The following ERAP1 variants were observed in gnomAD, a reference collection of about 807,000 sequenced individuals.
ERAP1 encodes endoplasmic reticulum aminopeptidase 1, also known as adipocyte-derived leucine aminopeptidase.
ERAP1 carries 86 observed loss-of-function variants against 103.7 expected under a neutral mutation model. The ratio of observed to expected loss-of-function variants is 0.83; its 90% confidence interval spans 0.70 to 0.99. The LOEUF (loss-of-function observed/expected upper bound fraction) is 0.99, where lower values mean the gene tolerates loss of function less well. ERAP1 is among the 50% of genes least tolerant of loss of function. ERAP1 has a pLI of 0.00. For synonymous variants in ERAP1, 398 were observed against 402.4 expected, an observed-to-expected ratio of 0.99 and a Z score of 0.13; for missense variants, 1,009 against 1,128.4, an observed-to-expected ratio of 0.89 and a Z score of 1.52.
chr5:96,818,483 A>G, the ERAP1 span, among the ~76,000 whole-genome samples: 20 of 151,526 alleles, frequency 1.3e-4, no homozygotes, highest in South Asian at 4.2e-3. Flanking sequence ...CCCTAGAGTT[A>G]ATGGCTAAGT....
chr5:96,781,643 C>G, intron 16 of ERAP1, 50 bp downstream of exon 16: 1 of 1,611,652 alleles, frequency 6.2e-7, no homozygotes, highest in Non-Finnish European at 8.5e-7. Context: ...ATGATCTAAT[C>G]TAATCTAATT....
intron 3 of ERAP1, among the ~76,000 whole-genome samples, chr5:96,798,279 C>T (rs1192895159): frequency 1.4e-5 from 2 of 142,506 alleles, no homozygotes; most frequent in Non-Finnish European, 3.0e-5. Context: ...GAGCCGAGAT[C>T]ACGCCACTGC....
chr5:96,881,355 A>G, the ERAP1 span: 1 of 452,590 alleles, frequency 2.2e-6, no homozygotes, highest in South Asian at 1.6e-5. Context: ...CTTGGCAGTT[A>G]TTTTGGAGGG....
chr5:96,818,893 CATTT>C, the ERAP1 span, among the ~76,000 whole-genome samples: 8,533 of 141,668 alleles, frequency 0.06, 433 homozygotes, highest in African/African-American at 0.14. Flanking sequence ...ACCTGAACTG[CATTT>C]ATTTATTTAT....
the ERAP1 span, chr5:96,814,390 A>G: frequency 4.4e-6 from 2 of 454,540 alleles, no homozygotes; most frequent in Non-Finnish European, 4.4e-6. Context: ...CGTCTGCCAC[A>G]CTAATGTTAC....
At chr5:96,833,484 T>G in the ERAP1 span, among the ~76,000 whole-genome samples, 1 of 152,258 alleles carries the variant, frequency 6.6e-6, no homozygotes, top group African/African-American at 2.4e-5. Context: ...AAAAATGAAC[T>G]ATTTTGAAGG....
At chr5:96,907,348 T>C in the ERAP1 span, among the ~76,000 whole-genome samples, 1 of 152,178 alleles carries the variant, frequency 6.6e-6, no homozygotes, top group Non-Finnish European at 1.5e-5. Context: ...TAGGCAACTA[T>C]AAAAGTAAGT....
At chr5:96,819,520 T>A in the ERAP1 span, among the ~76,000 whole-genome samples, 1 of 152,188 alleles carries the variant, frequency 6.6e-6, no homozygotes, top group South Asian at 2.1e-4. Context: ...TTTGTGTGTG[T>A]GTGAGAGAGA....
intron 11 of ERAP1, chr5:96,786,863 T>C (rs1480805497): frequency 3.3e-6 from 1 of 302,536 alleles, no homozygotes; most frequent in Non-Finnish European, 6.4e-6. Context: ...GCCTCCTGAA[T>C]AGTATATTAG....
chr5:96,875,234 A>T, the ERAP1 span, among the ~76,000 whole-genome samples: 1 of 152,092 alleles, frequency 6.6e-6, no homozygotes, highest in Admixed American at 6.6e-5. Flanking sequence ...ATAGAAAGAG[A>T]TTGAAAATGA....
chr5:96,842,600 T>C, the ERAP1 span, among the ~76,000 whole-genome samples: 1 of 152,222 alleles, frequency 6.6e-6, no homozygotes, highest in Non-Finnish European at 1.5e-5. Flanking sequence ...TTGAGAATTG[T>C]CTATTCATGT....
intron 11 of ERAP1, 34 bp downstream of exon 11, chr5:96,788,497 G>A (rs921135546): frequency 1.9e-6 from 3 of 1,612,726 alleles, no homozygotes; most frequent in Non-Finnish European, 2.5e-6. Context: ...ATGTTACCTA[G>A]ACAACAAAAC....
chr5:96,888,333 G>A, the ERAP1 span, among the ~76,000 whole-genome samples: 1 of 152,106 alleles, frequency 6.6e-6, no homozygotes, highest in Non-Finnish European at 1.5e-5. Flanking sequence ...GCACTTCAGA[G>A]GACAGGTTCC....
At chr5:96,786,777 A>T (rs1352592807) in intron 11 of ERAP1, 3 of 502,086 alleles carry the variant, frequency 6.0e-6, no homozygotes, top group Non-Finnish European at 1.1e-5. Context: ...AAGAATTTGG[A>T]CTCACGTGAA....
In ERAP1 at chr5:96,783,124, G is replaced by A; in HGVS notation, c.2212C>T (p.His738Tyr). The A allele has an allele frequency of 6.2e-7, 1 of 1,614,144 alleles. No homozygotes were observed. The highest frequency in any genetic ancestry group is 8.5e-7 in the Non-Finnish European group (1 of 1,180,048). ...CTCTGTACGCACGGCTGATAGTTGT[G>A]CACACAGGCGAGGAGTAGTAGTTGA... Reference protein sequence around the residue: ...RSQLLLLACVHNYQPCVQRAE... With the variant: ...RSQLLLLACVYNYQPCVQRAE... Residue 738 changes from histidine (H) to tyrosine (Y), a missense_variant, in exon 15 of 19, where the codon CAC becomes TAC. Physicochemically the swap from His to Tyr is moderately conservative, Grantham distance 83. Around this residue, in one of 3 missense-constraint regions of ERAP1, gnomAD observed 611 missense variants for 651.7 expected, o/e 0.94. Transcript: ENST00000443439.
At chr5:96,817,945 T>C in the ERAP1 span, among the ~76,000 whole-genome samples, 1 of 152,164 alleles carries the variant, frequency 6.6e-6, no homozygotes, top group South Asian at 2.1e-4. Flanking sequence ...TGTGAGAAAT[T>C]CTGAAAAGCG....
At chr5:96,865,589 A>T in the ERAP1 span, among the ~76,000 whole-genome samples, 1 of 152,226 alleles carries the variant, frequency 6.6e-6, no homozygotes, top group Non-Finnish European at 1.5e-5. Flanking sequence ...AGTGGAAAAT[A>T]AATACAATTT....
chr5:96,863,566 T>C, the ERAP1 span, among the ~76,000 whole-genome samples: 2 of 152,084 alleles, frequency 1.3e-5, no homozygotes, highest in Non-Finnish European at 2.9e-5. Flanking sequence ...GTCTTTTCTT[T>C]TTCTTGTTCC....
the ERAP1 span, chr5:96,901,770 T>G: frequency 1.3e-5 from 17 of 1,317,810 alleles, no homozygotes; most frequent in Non-Finnish European, 1.8e-5. Context: ...CTGGCAACTT[T>G]GTAGGATGCT....
Sources: gnomAD v4.1 joint callset for allele counts (sites outside exome capture counted in the v4.1 genomes callset) on GRCh38, gnomAD v4.1.1 for gene constraint, gnomAD v4.1.1 regional missense constraint, MANE v1.5 for transcripts, NCBI Gene and HGNC (gene_info 2026-07-23, HGNC 2026-07-21) for gene names.